ANO2: variants seen among roughly 807,000 people sequenced by gnomAD.
The protein encoded by ANO2 is anoctamin 2.
In ANO2, 101 loss-of-function variants were observed where a neutral mutation model predicts 124.2. The observed-to-expected ratio is 0.81, with a 90% CI of 0.69 to 0.96. The LOEUF (loss-of-function observed/expected upper bound fraction) is 0.96, where lower values mean the gene tolerates loss of function less well. Ranked by LOEUF, ANO2 falls within the 40% of genes least tolerant of loss-of-function variation. The probability of loss-of-function intolerance (pLI) is 0.00; values close to 1 mark genes in which losing one functional copy is unlikely to be tolerated. For synonymous variants in ANO2, 486 were observed against 482.5 expected, an observed-to-expected ratio of 1.01 and a Z score of -0.09; for missense variants, 1,293 against 1,274.5, an observed-to-expected ratio of 1.01 and a Z score of -0.22.
At chr12:5,824,778 T>C (rs1317830870) in intron 7 of ANO2, among the ~76,000 whole-genome samples, 1 of 151,970 alleles carries the variant, frequency 6.6e-6, no homozygotes, top group Non-Finnish European at 1.5e-5. Context: ...TACCCGAGAC[T>C]GGGAAGAAAA....
intron 20 of ANO2, among the ~76,000 whole-genome samples, chr12:5,587,332 C>G (rs1943165014): frequency 6.6e-6 from 1 of 152,194 alleles, no homozygotes; most frequent in Non-Finnish European, 1.5e-5. Flanking sequence ...GGTGATAAAA[C>G]TTTACCAAGA....
chr12:5,852,825 T>G (rs2137252363), intron 4 of ANO2, among the ~76,000 whole-genome samples: 1 of 149,816 alleles, frequency 6.7e-6, no homozygotes, highest in African/African-American at 2.5e-5. Flanking sequence ...GTAGCATGTA[T>G]ACAACTACAC....
intron 3 of ANO2, among the ~76,000 whole-genome samples, chr12:5,897,417 G>A (rs1328779093): frequency 1.3e-5 from 2 of 152,202 alleles, no homozygotes; most frequent in Non-Finnish European, 2.9e-5. Flanking sequence ...ACAGCAGTGG[G>A]AAGCAGAGGC....
intron 14 of ANO2, among the ~76,000 whole-genome samples, chr12:5,679,007 G>A (rs1246463850): frequency 6.6e-6 from 1 of 152,238 alleles, no homozygotes; most frequent in Admixed American, 6.5e-5. Flanking sequence ...CAGGGAGCCA[G>A]TTGAATCTGA....
intron 19 of ANO2, among the ~76,000 whole-genome samples, chr12:5,611,999 C>T (rs1014280856): frequency 6.6e-6 from 1 of 152,182 alleles, no homozygotes; most frequent in Non-Finnish European, 1.5e-5. Flanking sequence ...AGCCACCAGG[C>T]AATAGGAAGG....
At position 5,921,369 on chromosome 12, in the gene ANO2, G is replaced by A; in HGVS notation, c.208-3C>T. 1 of 1,611,906 alleles carries A rather than the reference G, an allele frequency of 6.2e-7. No individual in the cohort carries two copies. Among genetic ancestry groups the A allele is most frequent in the Non-Finnish European group, 8.5e-7 (1 of 1,178,426 alleles). ...GCATCCAGATAGTTGTTGATGACCTGGCCAGAGAGAGAGGAGAGGCAGGGC... is the reference window on the plus strand; with the variant it reads ...GCATCCAGATAGTTGTTGATGACCTAGCCAGAGAGAGAGGAGAGGCAGGGC... On this transcript the variant is annotated splice_polypyrimidine_tract_variant and splice_region_variant and intron_variant, in intron 2 of 24. Transcript: ENST00000682330.
At chr12:5,888,488 A>C (rs1939134164) in intron 3 of ANO2, among the ~76,000 whole-genome samples, 1 of 152,122 alleles carries the variant, frequency 6.6e-6, no homozygotes, top group Admixed American at 6.5e-5. Flanking sequence ...CATTTTACAG[A>C]GAGCCAATTG....
chr12:5,611,363 T>C (rs1409374403), intron 19 of ANO2, among the ~76,000 whole-genome samples: 2 of 151,986 alleles, frequency 1.3e-5, no homozygotes, highest in African/African-American at 4.8e-5. Flanking sequence ...GAATATGCGG[T>C]TATATGCAGT....
intron 4 of ANO2, among the ~76,000 whole-genome samples, chr12:5,845,294 A>G (rs1954647335): frequency 6.6e-6 from 1 of 151,760 alleles, no homozygotes; most frequent in African/African-American, 2.4e-5. Context: ...ATGGCCTGGC[A>G]CTGTGGCTCA....
chr12:5,704,789 A>C (rs866243470), intron 14 of ANO2, among the ~76,000 whole-genome samples: 5 of 152,086 alleles, frequency 3.3e-5, no homozygotes, highest in Admixed American at 6.6e-5. Flanking sequence ...TTTCTGACGA[A>C]ATGTTTTAAT....
chr12:5,661,222 C>A (rs751117956), intron 14 of ANO2, among the ~76,000 whole-genome samples: 3 of 152,184 alleles, frequency 2.0e-5, no homozygotes, highest in Non-Finnish European at 4.4e-5. Flanking sequence ...CCCTTTGGGT[C>A]ACATAGAATT....
chr12:5,655,954 A>C (rs1455361915), intron 14 of ANO2, among the ~76,000 whole-genome samples: 1 of 152,202 alleles, frequency 6.6e-6, no homozygotes, highest in Non-Finnish European at 1.5e-5. Context: ...GCTCTTCTTG[A>C]CAGAGAGTTC....
rs1306172783 is a variant in ANO2 at position 5,610,153 on chromosome 12, T to C, written c.2087+2503A>G. Among the ~76,000 whole-genome samples the C allele has an allele frequency of 4.6e-5, 6 of 131,224 alleles. No homozygotes were observed. The East Asian group carries it at 1.3e-3, about 28-fold the overall frequency. The allele number at this position is 131,224 out of a possible 152,430, so 86.1% of individuals were successfully genotyped here. ...ACATACTTATATAAATATATTTATA[T>C]ATACAAATTTATATTACTTATATAA... On this transcript the variant is annotated intron_variant, in intron 19 of 24. Coordinates refer to ENST00000682330, the MANE Select transcript of ANO2 (RefSeq NM_001364791.2).
At chr12:5,896,018 GAAGT>G (rs964863640) in intron 3 of ANO2, among the ~76,000 whole-genome samples, 3 of 152,104 alleles carry the variant, frequency 2.0e-5, no homozygotes, top group African/African-American at 7.2e-5. Flanking sequence ...TATTCTAAGT[GAAGT>G]AACTCAGGAA....
At chr12:5,715,671 C>T (rs891646547) in intron 14 of ANO2, among the ~76,000 whole-genome samples, 8 of 152,282 alleles carry the variant, frequency 5.3e-5, no homozygotes, top group East Asian at 3.9e-4. Context: ...CGTGATTAAG[C>T]GGTGACAAAA....
At chr12:5,795,086 C>A (rs1952808643) in intron 10 of ANO2, among the ~76,000 whole-genome samples, 2 of 152,196 alleles carry the variant, frequency 1.3e-5, no homozygotes, top group Non-Finnish European at 2.9e-5. Flanking sequence ...GATCAAACCA[C>A]ACAGTCTCTG....
At chr12:5,602,387 A>C in intron 19 of ANO2, among the ~76,000 whole-genome samples, 1 of 152,168 alleles carries the variant, frequency 6.6e-6, no homozygotes, top group South Asian at 2.1e-4. Context: ...AGTAGCTAGG[A>C]CTACAGGCAT....
At chr12:5,768,114 T>C (rs1320813576) in intron 10 of ANO2, among the ~76,000 whole-genome samples, 6 of 152,214 alleles carry the variant, frequency 3.9e-5, no homozygotes, top group African/African-American at 1.4e-4. Context: ...CTAAAGGACC[T>C]GTAATTTTCT....
At chr12:5,605,735 T>C (rs1210472563) in intron 19 of ANO2, among the ~76,000 whole-genome samples, 2 of 152,070 alleles carry the variant, frequency 1.3e-5, no homozygotes, top group Non-Finnish European at 2.9e-5. Context: ...TGCATGAACA[T>C]ATATGGGAAA....
Sources: allele counts gnomAD v4.1 joint callset (sites outside exome capture counted in the v4.1 genomes callset), GRCh38; gene constraint gnomAD v4.1.1; transcripts MANE v1.5; gene names NCBI Gene and HGNC (gene_info 2026-07-23, HGNC 2026-07-21).